Variants in FGD5 observed in about 807,000 individuals in gnomAD.
The protein encoded by FGD5 is FYVE, RhoGEF and PH domain containing 5, also known as FYVE, RhoGEF and PH domain-containing protein 5.
In FGD5, 28 loss-of-function variants were observed where a neutral mutation model predicts 133.4. That is an observed-to-expected ratio of 0.21 (90% CI 0.16 to 0.29). The LOEUF (loss-of-function observed/expected upper bound fraction) is 0.29. FGD5 is among the 10% of genes least tolerant of loss of function. The probability of loss-of-function intolerance (pLI) is 1.00; values close to 1 mark genes in which losing one functional copy is unlikely to be tolerated. For synonymous variants in FGD5, 810 were observed against 776.5 expected, an observed-to-expected ratio of 1.04 and a Z score of -0.72; for missense variants, 1,858 against 1,895.2, an observed-to-expected ratio of 0.98 and a Z score of 0.36.
chr3:14,820,360 A>G lies in FGD5; in HGVS notation c.1289A>G (p.Tyr430Cys), dbSNP rs1375310421. 12 of 1,613,468 alleles carry G rather than the reference A, an allele frequency of 7.4e-6. No homozygotes were observed. The highest frequency in any genetic ancestry group is 1.7e-5 in the Admixed American group (1 of 59,964). The change falls in exon 1 of 20, where the codon TAT (tyrosine) becomes TGT (cysteine). Residue 430 changes from tyrosine to cysteine, a missense_variant. Physicochemically the swap from Tyr to Cys is radical, Grantham distance 194. This residue lies in a region of FGD5 where 1,824 missense variants were observed against 1,848.9 expected (regional missense o/e 0.99). Coordinates refer to ENST00000285046, the MANE Select transcript of FGD5 (RefSeq NM_152536.4). Reference protein sequence around the residue: ...EALDDALANPYVMGVGLPGQA... With the variant: ...EALDDALANPCVMGVGLPGQA... ...TTGGATGATGCACTGGCCAACCCCTATGTGATGGGAGTGGGCCTGCCCGGT... is the reference window on the plus strand; with the variant it reads ...TTGGATGATGCACTGGCCAACCCCTGTGTGATGGGAGTGGGCCTGCCCGGT...
intron 4 of FGD5, among the ~76,000 whole-genome samples, chr3:14,889,715 G>C (rs898056450): frequency 6.6e-6 from 1 of 151,970 alleles, no homozygotes; most frequent in Admixed American, 6.6e-5. Flanking sequence ...TGGTATTGTC[G>C]GCCTCTGTAC....
At position 14,834,018 on chromosome 3, in the gene FGD5, A is replaced by G. The variant is rs139024784; in HGVS notation, c.2525+12422A>G. Among the ~76,000 whole-genome samples, 35 of 152,272 alleles carry G rather than the reference A, an allele frequency of 2.3e-4. No individual in the cohort carries two copies. The East Asian group carries it at 4.4e-3, about 19-fold the overall frequency. The stretch of plus-strand genomic sequence containing the variant: ...TTCTCAGTTTCTGTTGCAGCGGGAT[A>G]CTTTTTCAAATCTTACTTGGAACCC... On this transcript the variant is annotated intron_variant, in intron 1 of 19. Coordinates refer to ENST00000285046, the MANE Select transcript of FGD5 (RefSeq NM_152536.4).
chr3:14,893,260 A>G (rs934708933), intron 4 of FGD5, among the ~76,000 whole-genome samples: 8 of 152,162 alleles, frequency 5.3e-5, no homozygotes, highest in African/African-American at 1.9e-4. Context: ...AGAGCAAATC[A>G]GTGTACTTGG....
At chr3:14,878,661 G>GCT (rs1293773418) in intron 2 of FGD5, among the ~76,000 whole-genome samples, 2 of 151,614 alleles carry the variant, frequency 1.3e-5, no homozygotes, top group Admixed American at 1.3e-4. Flanking sequence ...GGCACAGAGA[G>GCT]CTAAATGACT....
chr3:14,875,375 T>A (rs144736249), intron 2 of FGD5, among the ~76,000 whole-genome samples: 74 of 152,248 alleles, frequency 4.9e-4, no homozygotes, highest in African/African-American at 1.7e-3. Flanking sequence ...CGGGGGCACC[T>A]CAGATGTAGC....
rs990109072 is a variant in FGD5 at position 14,880,471 on chromosome 3, A to G, written c.2659-101A>G. 26 of 1,014,476 alleles carry G rather than the reference A, an allele frequency of 2.6e-5. No homozygotes were observed. In the Admixed American group the frequency reaches 5.3e-4, roughly 21 times the overall value. 62.8% of individuals were successfully genotyped at this position (1,014,476 alleles called of 1,614,324 possible). A position where few individuals can be genotyped will look rare whatever the true frequency, so the allele number is the denominator to read the frequency against. On this transcript the variant is annotated intron_variant, in intron 2 of 19. Transcript: ENST00000285046. ...ACATACAAGTAATGAGTGCCAGGAAATGGTCTGCAAAATGCTTGGAACTTG... is the reference window on the plus strand; with the variant it reads ...ACATACAAGTAATGAGTGCCAGGAAGTGGTCTGCAAAATGCTTGGAACTTG...
chr3:14,875,373 CCT>C (rs1431302363), intron 2 of FGD5, among the ~76,000 whole-genome samples: 2 of 152,102 alleles, frequency 1.3e-5, no homozygotes, highest in African/African-American at 4.8e-5. Context: ...ATCGGGGGCA[CCT>C]CAGATGTAGC....
chr3:14,874,579 A>G (rs922887162), intron 2 of FGD5, among the ~76,000 whole-genome samples: 2 of 152,134 alleles, frequency 1.3e-5, no homozygotes, highest in African/African-American at 4.8e-5. Flanking sequence ...GTGGCAAGCT[A>G]CTGTTCAACA....
upstream of FGD5, among the ~76,000 whole-genome samples, chr3:14,815,547 C>G (rs900086669): frequency 3.9e-5 from 6 of 152,114 alleles, no homozygotes; most frequent in African/African-American, 1.4e-4. Context: ...AGTTGGTACT[C>G]AATAAATATG....
At chr3:14,923,871 A>G in intron 16 of FGD5, 137 bp from the exon 17 acceptor site, 1 of 1,075,502 alleles carries the variant, frequency 9.3e-7, no homozygotes, top group Non-Finnish European at 1.3e-6. Flanking sequence ...GGGAGGGAGG[A>G]AGAGTGCTTG....
Position 14,900,403 on chromosome 3 carries a change from A to C in FGD5, c.3155A>C (p.Asp1052Ala). ...RLFQYQVLLT[D>A]YLNNLCPDSA... ...CTCCTGGTTCTTATCCTGCCAACAG[A>C]CTATTTAAACAACCTTTGTCCGGAC... Residue 1052 changes from aspartate (D) to alanine (A), a missense_variant and splice_region_variant, in exon 8 of 20, where the codon GAC (aspartate) becomes GCC (alanine). Physicochemically the swap from Asp to Ala is moderately radical, Grantham distance 126 (BLOSUM62 -2). Transcript: ENST00000285046. 1 of 1,613,318 alleles carries C rather than the reference A, an allele frequency of 6.2e-7. No individual in the cohort carries two copies. Among genetic ancestry groups the C allele is most frequent in the East Asian group, 2.2e-5 (1 of 44,864 alleles).
chr3:14,925,132 A>C (rs2038774435), intron 17 of FGD5, among the ~76,000 whole-genome samples: 2 of 145,236 alleles, frequency 1.4e-5, no homozygotes, highest in African/African-American at 2.5e-5. Flanking sequence ...AAAAAAACAC[A>C]TACATGGTTA....
At chr3:14,900,567 C>A in intron 8 of FGD5, 114 bp downstream of exon 8, 1 of 1,229,676 alleles carries the variant, frequency 8.1e-7, no homozygotes, top group Non-Finnish European at 1.2e-6. Context: ...TCCCCACCAG[C>A]TGGGTGGGTT....
At chr3:14,860,067 G>A (rs923328534) in intron 1 of FGD5, among the ~76,000 whole-genome samples, 4 of 152,306 alleles carry the variant, frequency 2.6e-5, no homozygotes, top group Non-Finnish European at 4.4e-5. Context: ...AACACAGGAG[G>A]GGGTCAAGGG....
chr3:14,872,425 G>A (rs916372809), intron 2 of FGD5, among the ~76,000 whole-genome samples: 1 of 152,176 alleles, frequency 6.6e-6, no homozygotes, highest in Admixed American at 6.5e-5. Context: ...GTTCTCATGG[G>A]CTGGGAAGTA....
chr3:14,876,483 A>T (rs1219403322), intron 2 of FGD5, among the ~76,000 whole-genome samples: 1 of 152,208 alleles, frequency 6.6e-6, no homozygotes, highest in African/African-American at 2.4e-5. Flanking sequence ...AAAATAACAA[A>T]CCCATTACAT....
rs141163884 is a variant in FGD5 at position 14,913,866 on chromosome 3, T to C, written c.3405+2937T>C. ...CTTCAAGCCAAGCTCAGATAGCACC[T>C]TCTATGGAAGCCTAGCCACCACCCC... On this transcript the variant is annotated intron_variant, in intron 11 of 19. Coordinates refer to ENST00000285046, the MANE Select transcript of FGD5 (RefSeq NM_152536.4). Among the ~76,000 whole-genome samples, 4 of 152,094 alleles carry C rather than the reference T, an allele frequency of 2.6e-5. No homozygotes were observed. In the South Asian group the frequency reaches 6.2e-4, roughly 24 times the overall value.
intron 1 of FGD5, among the ~76,000 whole-genome samples, chr3:14,849,108 T>G (rs1323185410): frequency 6.6e-6 from 1 of 152,186 alleles, no homozygotes; most frequent in African/African-American, 2.4e-5. Flanking sequence ...TGGGTCCAAG[T>G]GTGAGGCCCT....
At chr3:14,912,012 GC>G (rs2038458566) in intron 11 of FGD5, among the ~76,000 whole-genome samples, 1 of 152,064 alleles carries the variant, frequency 6.6e-6, no homozygotes, top group Non-Finnish European at 1.5e-5. Context: ...AAGGGCCTAA[GC>G]AGAGGATAGA....
Sources: allele counts gnomAD v4.1 joint callset (sites outside exome capture counted in the v4.1 genomes callset), GRCh38; gene constraint gnomAD v4.1.1; regional missense constraint gnomAD v4.1.1; transcripts MANE v1.5; gene names NCBI Gene and HGNC (gene_info 2026-07-23, HGNC 2026-07-21).